Variants in DLG1 observed in about 807,000 individuals in gnomAD.
DLG1 encodes the protein disks large homolog 1.
DLG1 carries 42 observed loss-of-function variants against 123.4 expected under a neutral mutation model. The observed-to-expected ratio is 0.34, with a 90% CI of 0.27 to 0.44. The LOEUF (loss-of-function observed/expected upper bound fraction) is 0.44, where lower values mean the gene tolerates loss of function less well. DLG1 is among the 20% of genes least tolerant of loss of function. DLG1 has a pLI of 1.00. For synonymous variants in DLG1, 317 were observed against 356.2 expected (o/e 0.89, Z 1.24); for missense variants, 942 against 1,082.6 (o/e 0.87, Z 1.82).
intron 5 of DLG1, among the ~76,000 whole-genome samples, chr3:197,156,257 A>G (rs982707313): frequency 1.1e-4 from 16 of 152,174 alleles, no homozygotes; most frequent in African/African-American, 1.7e-4. Flanking sequence ...AGTGTCTAGG[A>G]TGTTAAATGT....
chr3:197,161,547 C>G, intron 5 of DLG1: 1 of 758,712 alleles, frequency 1.3e-6, no homozygotes. Flanking sequence ...TACCAAATTA[C>G]AAAAAACAGC....
At chr3:197,089,734 T>C (rs1297230061) in intron 15 of DLG1, among the ~76,000 whole-genome samples, 2 of 151,264 alleles carry the variant, frequency 1.3e-5, no homozygotes, top group Non-Finnish European at 2.9e-5. Context: ...AAAAAGAAAG[T>C]GTAAAAAAGA....
chr3:197,069,176 A>G (rs368613038), intron 19 of DLG1, 43 bp downstream of exon 19: 20 of 1,427,166 alleles, frequency 1.4e-5, no homozygotes, highest in Non-Finnish European at 1.9e-5. Context: ...CAGAGGATGT[A>G]TTACTCGAGA....
chr3:197,155,921 C>T (rs1796223972), intron 5 of DLG1, among the ~76,000 whole-genome samples: 2 of 152,196 alleles, frequency 1.3e-5, no homozygotes, highest in Admixed American at 1.3e-4. Context: ...TGCACTCCAG[C>T]CTGGGCTACA....
intron 4 of DLG1, among the ~76,000 whole-genome samples, chr3:197,246,125 G>T (rs2340271): frequency 6.6e-6 from 1 of 151,896 alleles, no homozygotes; most frequent in African/African-American, 2.4e-5. Flanking sequence ...ATGTTTGAGC[G>T]GACCGATTAT....
At chr3:197,124,504 G>T (rs1560848588) in intron 11 of DLG1, among the ~76,000 whole-genome samples, 1 of 152,084 alleles carries the variant, frequency 6.6e-6, no homozygotes, top group Admixed American at 6.5e-5. Flanking sequence ...TTGATCTGCT[G>T]ACCTCATGCT....
Position 197,042,814 on chromosome 3 carries a change from C to T in DLG1, c.*1809G>A, listed in dbSNP as rs1720995148. The T allele has an allele frequency of 6.6e-6, 1 of 152,208 alleles. No individual in the cohort carries two copies. The highest frequency in any genetic ancestry group is 6.5e-5 in the Admixed American group (1 of 15,284). The allele number at this position is 152,208 out of a possible 1,614,324, so 9.4% of individuals were successfully genotyped here. Reference sequence around the variant, plus strand: ...TTCAATGTGGTAACACACTCTGCTGCCTAACGGCTCTTGGATTCGGTTATA... The same window carrying T: ...TTCAATGTGGTAACACACTCTGCTGTCTAACGGCTCTTGGATTCGGTTATA... On this transcript the variant is annotated 3_prime_UTR_variant, in exon 25 of 25. Coordinates refer to ENST00000667157, the MANE Select transcript of DLG1 (RefSeq NM_001366207.1).
At chr3:197,116,725 A>G (rs900997826) in intron 12 of DLG1, among the ~76,000 whole-genome samples, 4 of 152,198 alleles carry the variant, frequency 2.6e-5, no homozygotes, top group African/African-American at 7.2e-5. Flanking sequence ...GAATAATACA[A>G]TCCCTTTACT....
rs1731179762 is a variant in DLG1 at position 197,211,378 on chromosome 3, T to A, written c.319-16789A>T. 1.4e-5 allele frequency among the ~76,000 whole-genome samples: 2 copies of A among 146,504 alleles called. 1 individual carries two copies. The highest frequency in any genetic ancestry group is 5.2e-4 in the South Asian group (2 of 3,876). The stretch of plus-strand genomic sequence containing the variant: ...AGGCCCATATCTTGATGAACATTGA[T>A]GCAAAAATCCTCAACAAAATACTTA... On this transcript the variant is annotated intron_variant, in intron 4 of 24. Transcript: ENST00000667157.
At chr3:197,134,477 A>G (rs1784156987) in intron 10 of DLG1, among the ~76,000 whole-genome samples, 1 of 150,454 alleles carries the variant, frequency 6.6e-6, no homozygotes, top group South Asian at 2.1e-4. Flanking sequence ...AATACCAAAA[A>G]AAAAAAAAAA....
At chr3:197,064,263 G>A (rs548493061) in intron 22 of DLG1, among the ~76,000 whole-genome samples, 189 of 150,740 alleles carry the variant, frequency 1.3e-3, no homozygotes, top group African/African-American at 4.3e-3. Flanking sequence ...GCACGACCTC[G>A]GCTCACTGCA....
chr3:197,092,123 A>C (rs981919198), intron 14 of DLG1, among the ~76,000 whole-genome samples: 1 of 152,216 alleles, frequency 6.6e-6, no homozygotes, highest in South Asian at 2.1e-4. Context: ...AATTAAATAA[A>C]TATCAATCCA....
intron 5 of DLG1, among the ~76,000 whole-genome samples, chr3:197,163,815 G>A (rs1265836847): frequency 6.6e-6 from 1 of 150,996 alleles, no homozygotes; most frequent in Non-Finnish European, 1.5e-5. Context: ...GAGATTACAG[G>A]TGTGAGCCAC....
intron 4 of DLG1, among the ~76,000 whole-genome samples, chr3:197,256,461 G>C (rs1216091957): frequency 6.6e-6 from 1 of 152,228 alleles, no homozygotes; most frequent in Non-Finnish European, 1.5e-5. Flanking sequence ...AAGCTAAAAG[G>C]AATCTTTAAA....
intron 18 of DLG1, chr3:197,069,910 G>A (rs1428700469): frequency 6.6e-6 from 1 of 152,152 alleles, no homozygotes; most frequent in African/African-American, 2.4e-5. Context: ...GGCACCGATG[G>A]TGGCAATTGC....
chr3:197,054,483 CTTG>C (rs1730270213), intron 23 of DLG1, among the ~76,000 whole-genome samples: 1 of 152,146 alleles, frequency 6.6e-6, no homozygotes, highest in Non-Finnish European at 1.5e-5. Flanking sequence ...TAAGTTAAAA[CTTG>C]TTGATTCTTT....
At chr3:197,293,534 T>C (rs1775932410) in intron 3 of DLG1, among the ~76,000 whole-genome samples, 1 of 152,078 alleles carries the variant, frequency 6.6e-6, no homozygotes, top group Non-Finnish European at 1.5e-5. Flanking sequence ...ACAAATATAA[T>C]ACAGTACGTA....
At chr3:197,125,678 G>T (rs944020592) in intron 11 of DLG1, among the ~76,000 whole-genome samples, 1 of 152,146 alleles carries the variant, frequency 6.6e-6, no homozygotes, top group African/African-American at 2.4e-5. Context: ...TATCTTAGAA[G>T]CAAGTAACTG....
At chr3:197,167,766 T>A (rs1286479860) in intron 5 of DLG1, among the ~76,000 whole-genome samples, 1 of 152,196 alleles carries the variant, frequency 6.6e-6, no homozygotes, top group Non-Finnish European at 1.5e-5. Flanking sequence ...CACATAGGCA[T>A]ACATCTATGA....
Sources: gnomAD v4.1 joint callset for allele counts (sites outside exome capture counted in the v4.1 genomes callset) on GRCh38, gnomAD v4.1.1 for gene constraint, MANE v1.5 for transcripts, NCBI Gene and HGNC (gene_info 2026-07-23, HGNC 2026-07-21) for gene names.